Variants in PRKN observed in about 807,000 individuals in gnomAD.
The protein encoded by PRKN is parkin RBR E3 ubiquitin protein ligase, also known as E3 ubiquitin-protein ligase parkin.
A neutral mutation model predicts 59.5 loss-of-function variants in PRKN; 56 were observed. The ratio of observed to expected loss-of-function variants is 0.94; its 90% CI spans 0.76 to 1.18. The LOEUF (loss-of-function observed/expected upper bound fraction) is 1.18, where lower values mean the gene tolerates loss of function less well. PRKN is among the 50% of genes most tolerant of loss of function. PRKN has a pLI of 0.00. For missense variants in PRKN, 657 were observed against 596.4 expected (o/e 1.10, Z -1.06); for synonymous variants, 250 against 222.1 (o/e 1.13, Z -1.12).
intron 7 of PRKN, among the ~76,000 whole-genome samples, chr6:161,608,314 TAA>T (rs1217530995): frequency 6.6e-6 from 1 of 152,098 alleles, no homozygotes; most frequent in African/African-American, 2.4e-5. Flanking sequence ...AGTCAATCAC[TAA>T]ATCCAAGAAA....
intron 5 of PRKN, among the ~76,000 whole-genome samples, chr6:162,052,277 T>C (rs1352125976): frequency 6.6e-6 from 1 of 152,182 alleles, no homozygotes; most frequent in African/African-American, 2.4e-5. Context: ...TTATAATTTA[T>C]ATATAATTCT....
At chr6:162,305,816 T>C (rs1308554340) in intron 2 of PRKN, among the ~76,000 whole-genome samples, 1 of 152,118 alleles carries the variant, frequency 6.6e-6, no homozygotes, top group Admixed American at 6.6e-5. Context: ...GAAAATTCTA[T>C]ATCTAAAACC....
At chr6:161,636,028 G>T (rs1386402900) in intron 7 of PRKN, among the ~76,000 whole-genome samples, 2 of 152,120 alleles carry the variant, frequency 1.3e-5, no homozygotes, top group Non-Finnish European at 2.9e-5. Flanking sequence ...ACCTCCTTCA[G>T]TCCTCTCCAT....
intron 2 of PRKN, among the ~76,000 whole-genome samples, chr6:162,377,772 G>C (rs1311631326): frequency 1.3e-5 from 2 of 152,192 alleles, no homozygotes; most frequent in Non-Finnish European, 2.9e-5. Context: ...GGACAGCACG[G>C]AGATTAGCAA....
intron 4 of PRKN, among the ~76,000 whole-genome samples, chr6:162,081,158 C>A (rs894957166): frequency 6.6e-6 from 1 of 152,024 alleles, no homozygotes; most frequent in South Asian, 2.1e-4. Flanking sequence ...GGGTTAGAAT[C>A]GACTTCTTCC....
At chr6:162,464,390 C>A (rs1048144146) in intron 1 of PRKN, among the ~76,000 whole-genome samples, 1 of 152,064 alleles carries the variant, frequency 6.6e-6, no homozygotes, top group African/African-American at 2.4e-5. Flanking sequence ...AGGTTTTAAT[C>A]ATTTATGATA....
intron 1 of PRKN, among the ~76,000 whole-genome samples, chr6:162,642,857 A>C (rs1239513854): frequency 6.6e-6 from 1 of 152,060 alleles, no homozygotes; most frequent in Non-Finnish European, 1.5e-5. Flanking sequence ...ATTAGGAGAT[A>C]CTCTGAATTT....
intron 6 of PRKN, among the ~76,000 whole-genome samples, chr6:161,842,556 T>G (rs1413792388): frequency 2.0e-5 from 3 of 152,026 alleles, no homozygotes; most frequent in Non-Finnish European, 2.9e-5. Flanking sequence ...CACCTCTTCC[T>G]TCTCTTTTTT....
chr6:161,419,857 C>G lies in PRKN; in HGVS notation c.1084-32980G>C, dbSNP rs7745681. Among the ~76,000 whole-genome samples, 120,062 of 151,884 alleles carry G rather than the reference C, an allele frequency of 0.79. 47,699 individuals are homozygous for G. Among genetic ancestry groups the G allele is most frequent in the East Asian group, 0.88 (4,536 of 5,148 alleles). The stretch of plus-strand genomic sequence containing the variant: ...TCACTGTGAAAGGGGGAAATTGGTA[C>G]CTACTTGTGGGATTGCTGTAGAGAT... On this transcript the variant is annotated intron_variant, in intron 9 of 11. Transcript: ENST00000366898. This position sits in a 1 kb window ranked among gnomAD's most constrained non-coding sequence, Gnocchi z 4.1.
At position 161,977,599 on chromosome 6, in the gene PRKN, C is replaced by A. The variant is rs182145206; in HGVS notation, c.619-4182G>T. 2.1e-4 allele frequency among the ~76,000 whole-genome samples: 29 copies of A among 139,170 alleles called. 1 individual carries two copies. In the South Asian group the frequency reaches 6.5e-3, roughly 31 times the overall value. The allele number at this position is 139,170 out of a possible 152,430, so 91.3% of individuals were successfully genotyped here. ...GTCTTTTCTGTCGCCCAGGCTGGAG[C>A]GCAGTGGCACGATCTTGGCTCATTG... On this transcript the variant is annotated intron_variant, in intron 5 of 11. Coordinates refer to ENST00000366898, the MANE Select transcript of PRKN (RefSeq NM_004562.3).
intron 2 of PRKN, chr6:162,266,575 G>A (rs1416868615): frequency 6.6e-6 from 1 of 152,158 alleles, no homozygotes; most frequent in African/African-American, 2.4e-5. Flanking sequence ...GTGCCACAGA[G>A]GGAACCAGCA....
intron 6 of PRKN, among the ~76,000 whole-genome samples, chr6:161,902,542 C>T (rs970242031): frequency 3.6e-5 from 3 of 82,696 alleles, no homozygotes; most frequent in Admixed American, 1.2e-4. Flanking sequence ...ATCTATCTAT[C>T]TATCTATTTA....
chr6:162,423,378 T>C (rs1269678845), intron 2 of PRKN, among the ~76,000 whole-genome samples: 1 of 152,164 alleles, frequency 6.6e-6, no homozygotes, highest in Non-Finnish European at 1.5e-5. Flanking sequence ...CAGTTGGCCT[T>C]CCTCCCTCCC....
At chr6:162,102,439 G>C (rs1050889227) in intron 4 of PRKN, among the ~76,000 whole-genome samples, 1 of 152,040 alleles carries the variant, frequency 6.6e-6, no homozygotes, top group African/African-American at 2.4e-5. Flanking sequence ...ATCTAGTTAG[G>C]TTAATCTAGA....
chr6:162,008,795 T>C (rs910099378), intron 5 of PRKN, among the ~76,000 whole-genome samples: 2 of 152,168 alleles, frequency 1.3e-5, no homozygotes, highest in African/African-American at 4.8e-5. Flanking sequence ...ATTATTTATT[T>C]AGCCTTACAA....
intron 6 of PRKN, among the ~76,000 whole-genome samples, chr6:161,830,264 T>G (rs202146806): frequency 1.2e-4 from 18 of 151,818 alleles, no homozygotes; most frequent in East Asian, 7.8e-4. Context: ...TTTGTTTTTT[T>G]TTTTTGAGAT....
intron 7 of PRKN, among the ~76,000 whole-genome samples, chr6:161,717,067 T>C (rs1235971014): frequency 1.3e-5 from 2 of 152,236 alleles, no homozygotes; most frequent in East Asian, 3.8e-4. Flanking sequence ...TCTTATGTTC[T>C]ACTAGGGACA....
intron 9 of PRKN, among the ~76,000 whole-genome samples, chr6:161,500,864 G>GTTTTT (rs373088841): frequency 7.5e-6 from 1 of 132,536 alleles, no homozygotes; most frequent in African/African-American, 2.9e-5. Flanking sequence ...GTTTAGTTTA[G>GTTTTT]TTTTTTTTTT....
intron 1 of PRKN, among the ~76,000 whole-genome samples, chr6:162,718,332 C>T (rs1451432891): frequency 6.6e-6 from 1 of 152,140 alleles, no homozygotes; most frequent in African/African-American, 2.4e-5. Context: ...CCAGAAGGGA[C>T]TTTTAATGAA....
Sources: allele counts gnomAD v4.1 joint callset (sites outside exome capture counted in the v4.1 genomes callset), GRCh38; gene constraint gnomAD v4.1.1; non-coding constraint Gnocchi (gnomAD v3.1); transcripts MANE v1.5; gene names NCBI Gene and HGNC (gene_info 2026-07-23, HGNC 2026-07-21).